PAK5: variants seen among roughly 807,000 people sequenced by gnomAD.
The protein encoded by PAK5 is p21 (RAC1) activated kinase 5.
In PAK5, 16 loss-of-function variants were observed where a neutral mutation model predicts 65.9. That is an observed-to-expected ratio of 0.24 (90% confidence interval 0.16 to 0.37). PAK5 has a LOEUF of 0.37. PAK5 is among the 10% of genes least tolerant of loss of function. The pLI is 1.00. For missense variants in PAK5, 785 were observed against 903.9 expected (o/e 0.87, Z 1.69); for synonymous variants, 371 against 354.9 (o/e 1.05, Z -0.51).
At chr20:9,585,977 G>C (rs1311802990) in intron 3 of PAK5, among the ~76,000 whole-genome samples, 4 of 152,110 alleles carry the variant, frequency 2.6e-5, no homozygotes, top group Non-Finnish European at 4.4e-5. Flanking sequence ...TAACTAGAGA[G>C]AGAGAAAAAA....
chr20:9,572,066 T>C (rs2045797252), intron 4 of PAK5, among the ~76,000 whole-genome samples: 1 of 63,148 alleles, frequency 1.6e-5, no homozygotes, highest in South Asian at 3.9e-4. Context: ...AATTAAGGGT[T>C]TTTTTTTTTT....
chr20:9,629,477 C>T (rs1175314141), intron 3 of PAK5, among the ~76,000 whole-genome samples: 1 of 127,212 alleles, frequency 7.9e-6, no homozygotes, highest in Admixed American at 9.4e-5. Context: ...CTTCCTCCTC[C>T]TTTTTTTTTT....
chr20:9,540,261 G>C (rs2045239726), intron 9 of PAK5, among the ~76,000 whole-genome samples: 1 of 152,124 alleles, frequency 6.6e-6, no homozygotes, highest in African/African-American at 2.4e-5. Context: ...CAAATACTAA[G>C]AGTGTGGCTC....
chr20:9,550,971 C>T (rs948420739), intron 7 of PAK5, among the ~76,000 whole-genome samples: 14 of 151,960 alleles, frequency 9.2e-5, no homozygotes, highest in Non-Finnish European at 1.9e-4. Context: ...TGCCCAAACC[C>T]CTCAAAATCT....
intron 2 of PAK5, among the ~76,000 whole-genome samples, chr20:9,706,627 T>G (rs1310143472): frequency 6.6e-6 from 1 of 151,408 alleles, no homozygotes; most frequent in Non-Finnish European, 1.5e-5. Flanking sequence ...CACAGGTGCA[T>G]GCCACCATTC....
At chr20:9,599,366 T>A (rs2046322282) in intron 3 of PAK5, among the ~76,000 whole-genome samples, 1 of 152,198 alleles carries the variant, frequency 6.6e-6, no homozygotes, top group African/African-American at 2.4e-5. Context: ...CTATTTTGGG[T>A]GTACTGAGTA....
chr20:9,636,696 T>C (rs2046986797), intron 3 of PAK5, among the ~76,000 whole-genome samples: 1 of 152,152 alleles, frequency 6.6e-6, no homozygotes, highest in Non-Finnish European at 1.5e-5. Flanking sequence ...AGAAATTATA[T>C]AGTATACACG....
intron 1 of PAK5, among the ~76,000 whole-genome samples, chr20:9,806,648 A>T (rs1418650492): frequency 1.3e-5 from 2 of 152,084 alleles, no homozygotes; most frequent in Admixed American, 1.3e-4. Context: ...CTCCAATTCT[A>T]AGTCAGCATC....
At chr20:9,682,250 G>A (rs1039897125) in intron 2 of PAK5, among the ~76,000 whole-genome samples, 26 of 152,210 alleles carry the variant, frequency 1.7e-4, no homozygotes, top group African/African-American at 5.5e-4. Context: ...CTAGCTACTC[G>A]GGAGGCTGAG....
chr20:9,782,320 T>G (rs2048949380), intron 1 of PAK5, among the ~76,000 whole-genome samples: 1 of 152,158 alleles, frequency 6.6e-6, no homozygotes, highest in African/African-American at 2.4e-5. Context: ...CCCACCACTA[T>G]ACTCCAACCC....
chr20:9,559,271 G>A (rs2045558299), intron 6 of PAK5, among the ~76,000 whole-genome samples: 2 of 152,262 alleles, frequency 1.3e-5, no homozygotes, highest in South Asian at 4.1e-4. Flanking sequence ...GAGACAGAGG[G>A]TGTAAATGAC....
chr20:9,732,256 T>C (rs2048342264), intron 1 of PAK5, among the ~76,000 whole-genome samples: 1 of 152,202 alleles, frequency 6.6e-6, no homozygotes, highest in Non-Finnish European at 1.5e-5. Flanking sequence ...GCATTAAGGC[T>C]GCCAAATTAC....
intron 1 of PAK5, among the ~76,000 whole-genome samples, chr20:9,819,803 G>T (rs1412242196): frequency 2.0e-5 from 3 of 152,074 alleles, no homozygotes; most frequent in Non-Finnish European, 4.4e-5. Context: ...ACCCACAAAT[G>T]TTATATTAGA....
chr20:9,738,687 G>A (rs2048418266), intron 1 of PAK5, among the ~76,000 whole-genome samples: 1 of 152,166 alleles, frequency 6.6e-6, no homozygotes, highest in Non-Finnish European at 1.5e-5. Flanking sequence ...AAAGGCATGA[G>A]AGAAATTTTA....
intron 3 of PAK5, among the ~76,000 whole-genome samples, chr20:9,608,993 T>C (rs2046507982): frequency 6.6e-6 from 1 of 152,192 alleles, no homozygotes; most frequent in African/African-American, 2.4e-5. Flanking sequence ...TTTCGTGAAT[T>C]AGTGATGCCT....
chr20:9,590,245 C>T (rs1280948046), intron 3 of PAK5, among the ~76,000 whole-genome samples: 1 of 152,122 alleles, frequency 6.6e-6, no homozygotes, highest in Non-Finnish European at 1.5e-5. Flanking sequence ...GCTGGGATTA[C>T]AGGTATGAGC....
intron 4 of PAK5, among the ~76,000 whole-genome samples, chr20:9,575,094 A>G (rs2045862514): frequency 6.6e-6 from 1 of 152,236 alleles, no homozygotes; most frequent in East Asian, 1.9e-4. Flanking sequence ...TTTTCCTTCC[A>G]GGGAAAGCAA....
intron 1 of PAK5, among the ~76,000 whole-genome samples, chr20:9,806,571 C>A (rs541618709): frequency 6.6e-6 from 1 of 152,060 alleles, no homozygotes; most frequent in Non-Finnish European, 1.5e-5. Flanking sequence ...GCTTTCCCAT[C>A]GAAAATGAGT....
chr20:9,672,203 T>C (rs6056794), intron 2 of PAK5, among the ~76,000 whole-genome samples: 8,389 of 151,564 alleles, frequency 0.055, 755 homozygotes, highest in African/African-American at 0.19. Context: ...ATGAAAATTT[T>C]TTACTCCAAA....
Sources: allele counts gnomAD v4.1 joint callset (sites outside exome capture counted in the v4.1 genomes callset), GRCh38; gene constraint gnomAD v4.1.1; transcripts MANE v1.5; gene names NCBI Gene and HGNC (gene_info 2026-07-23, HGNC 2026-07-21).